The following SPON1 variants were observed in gnomAD, a reference collection of about 807,000 sequenced individuals.
SPON1 encodes the protein spondin-1.
A neutral mutation model predicts 111.7 loss-of-function variants in SPON1; 52 were observed. The observed-to-expected ratio is 0.47, with a 90% CI of 0.37 to 0.59. The LOEUF (loss-of-function observed/expected upper bound fraction) is 0.59, where lower values mean the gene tolerates loss of function less well. Among genes scored for constraint, SPON1 ranks in the 20% least tolerant of loss-of-function variants. The pLI is 0.00. For missense variants in SPON1, 957 were observed against 1,068.5 expected (o/e 0.90, Z 1.46); for synonymous variants, 410 against 395.8 (o/e 1.04, Z -0.43).
chr11:14,256,836 A>G (rs1463879596), intron 10 of SPON1, 144 bp downstream of exon 10: 4 of 674,168 alleles, frequency 5.9e-6, no homozygotes, highest in Non-Finnish European at 1.0e-5. Context: ...TCAAGAAATA[A>G]TCAAAAACAA....
intron 6 of SPON1, among the ~76,000 whole-genome samples, chr11:14,159,401 G>T (rs1469807700): frequency 6.6e-6 from 1 of 152,098 alleles, no homozygotes; most frequent in Non-Finnish European, 1.5e-5. Context: ...TGAGGATGTG[G>T]AGAAAAGGGA....
At chr11:14,223,320 C>T (rs10832237) in intron 6 of SPON1, among the ~76,000 whole-genome samples, 25,113 of 152,098 alleles carry the variant, frequency 0.17, 2,271 homozygotes, top group Admixed American at 0.23. Context: ...GCCAAGATTA[C>T]ACCACTGCAC....
Position 13,992,497 on chromosome 11 carries a change from C to T in SPON1, c.345+9544C>T, listed in dbSNP as rs370841310. On this transcript the variant is annotated intron_variant, in intron 2 of 15. Coordinates refer to ENST00000576479, the MANE Select transcript of SPON1 (RefSeq NM_006108.4). ...CAGTGGATCTTAGTTTGCTGGGCTC[C>T]GTGGGGGTGGGACCTGCCGAGCCAG... Among the ~76,000 whole-genome samples, 51 of 152,236 alleles carry T rather than the reference C, an allele frequency of 3.4e-4. No homozygotes were observed. In the East Asian group the frequency reaches 3.7e-3, roughly 11 times the overall value.
At chr11:14,226,894 T>C (rs2133909663) in intron 6 of SPON1, among the ~76,000 whole-genome samples, 1 of 152,320 alleles carries the variant, frequency 6.6e-6, no homozygotes, top group Non-Finnish European at 1.5e-5. Flanking sequence ...TTCCTTGGCT[T>C]GTGGCCACAT....
At chr11:14,255,515 C>T (rs1849096663) in intron 8 of SPON1, 132 bp from the exon 9 acceptor site, 1 of 785,422 alleles carries the variant, frequency 1.3e-6, no homozygotes, top group African/African-American at 1.7e-5. Context: ...GAACACAATT[C>T]CATAAATATA....
At chr11:13,966,782 A>T (rs1848021017) in intron 1 of SPON1, among the ~76,000 whole-genome samples, 2 of 152,182 alleles carry the variant, frequency 1.3e-5, no homozygotes, top group Admixed American at 1.3e-4. Context: ...TTGGTCACAT[A>T]TTCACTGTGT....
intron 6 of SPON1, among the ~76,000 whole-genome samples, chr11:14,223,073 T>A (rs1848697943): frequency 1.3e-5 from 2 of 152,124 alleles, no homozygotes; most frequent in African/African-American, 4.8e-5. Context: ...TATTAAAAAG[T>A]GGAAAAGTGG....
intron 6 of SPON1, among the ~76,000 whole-genome samples, chr11:14,230,774 T>C (rs1848790603): frequency 9.1e-6 from 1 of 109,646 alleles, no homozygotes. Flanking sequence ...TTTCCTTCCT[T>C]CCTTCCTTCC....
At chr11:14,057,395 A>G (rs1848752858) in intron 3 of SPON1, among the ~76,000 whole-genome samples, 1 of 152,256 alleles carries the variant, frequency 6.6e-6, no homozygotes, top group Non-Finnish European at 1.5e-5. Context: ...GGAAGATTCT[A>G]GATTGAAGGA....
chr11:14,016,914 G>A (rs1420670803), intron 2 of SPON1, among the ~76,000 whole-genome samples: 1 of 152,170 alleles, frequency 6.6e-6, no homozygotes, highest in Non-Finnish European at 1.5e-5. Context: ...CACAGTAGCT[G>A]ACAGCAGATC....
In SPON1 at chr11:14,259,389, C is replaced by T. The variant is rs782801059; in HGVS notation, c.1602C>T (p.Asp534=). The T allele has an allele frequency of 1.4e-5, 22 of 1,611,304 alleles. No individual in the cohort carries two copies. The East Asian group carries it at 1.6e-4, about 11-fold the overall frequency. Residue 534 remains aspartate, a synonymous_variant, in exon 12 of 16, where the codon GAC becomes GAT. Coordinates refer to ENST00000576479, the MANE Select transcript of SPON1 (RefSeq NM_006108.4). This position sits in a 1 kb window ranked among gnomAD's most constrained non-coding sequence, Gnocchi z 5.0. ...GGTATGTGAAGCAGTTCCCGGAGGACGGCTCCGTGTGCACGCTGCCCACTG... is the reference window on the plus strand; with the variant it reads ...GGTATGTGAAGCAGTTCCCGGAGGATGGCTCCGTGTGCACGCTGCCCACTG... ...RERYVKQFPE[D]GSVCTLPTEE...
At chr11:13,996,962 A>T (rs782715717) in intron 2 of SPON1, among the ~76,000 whole-genome samples, 1 of 152,064 alleles carries the variant, frequency 6.6e-6, no homozygotes, top group African/African-American at 2.4e-5. Context: ...TCTTTTCTTT[A>T]CTTTTATATA....
chr11:14,184,042 G>A (rs1252246523), intron 6 of SPON1, among the ~76,000 whole-genome samples: 1 of 152,154 alleles, frequency 6.6e-6, no homozygotes, highest in Non-Finnish European at 1.5e-5. Flanking sequence ...GATCAGATGG[G>A]ATAGTATTAT....
At chr11:14,170,580 C>T (rs1198261526) in intron 6 of SPON1, among the ~76,000 whole-genome samples, 6 of 151,912 alleles carry the variant, frequency 3.9e-5, no homozygotes, top group Admixed American at 6.6e-5. Context: ...TGCCAGTTTT[C>T]AAAGGGAATG....
At chr11:14,079,693 C>CTT (rs1554921850) in intron 4 of SPON1, among the ~76,000 whole-genome samples, 5,945 of 150,696 alleles carry the variant, frequency 0.039, 276 homozygotes, top group African/African-American at 0.11. Flanking sequence ...AAAAAGCTCT[C>CTT]TTTTTTTTTT....
At chr11:14,243,921 T>A (rs1159606934) in intron 7 of SPON1, among the ~76,000 whole-genome samples, 1 of 152,194 alleles carries the variant, frequency 6.6e-6, no homozygotes, top group Non-Finnish European at 1.5e-5. Flanking sequence ...GGTATATCCG[T>A]CAGGTTTTTG....
chr11:14,166,041 A>G (rs1294359423), intron 6 of SPON1, among the ~76,000 whole-genome samples: 3 of 152,170 alleles, frequency 2.0e-5, no homozygotes, highest in African/African-American at 7.2e-5. Flanking sequence ...AGAAAGTGGC[A>G]TTCTTTAACT....
chr11:14,236,346 G>A (rs563614625), intron 6 of SPON1, among the ~76,000 whole-genome samples: 2 of 152,132 alleles, frequency 1.3e-5, no homozygotes, highest in African/African-American at 4.8e-5. Context: ...CATCCAGGGT[G>A]GATGGAACTG....
At chr11:14,150,459 T>C (rs975595592) in intron 6 of SPON1, among the ~76,000 whole-genome samples, 8 of 151,994 alleles carry the variant, frequency 5.3e-5, no homozygotes, top group Admixed American at 3.9e-4. Context: ...AGAGCAGATT[T>C]TGAATGTTCT....
Sources: allele counts gnomAD v4.1 joint callset (sites outside exome capture counted in the v4.1 genomes callset), GRCh38; gene constraint gnomAD v4.1.1; non-coding constraint Gnocchi (gnomAD v3.1); transcripts MANE v1.5; gene names NCBI Gene and HGNC (gene_info 2026-07-23, HGNC 2026-07-21).